Variants in PDE11A observed in about 807,000 individuals in gnomAD.
PDE11A encodes the protein phosphodiesterase 11A, also known as dual 3',5'-cyclic-AMP and -GMP phosphodiesterase 11A.
In PDE11A, 100 loss-of-function variants were observed where a neutral mutation model predicts 100.5. The ratio of observed to expected loss-of-function variants is 1.00; its 90% CI spans 0.85 to 1.18. The LOEUF (loss-of-function observed/expected upper bound fraction) is 1.18, where lower values mean the gene tolerates loss of function less well. Ranked by LOEUF, PDE11A falls within the 50% of genes most tolerant of loss-of-function variation. The probability of loss-of-function intolerance (pLI) is 0.00; values close to 1 mark genes in which losing one functional copy is unlikely to be tolerated. For synonymous variants in PDE11A, 381 were observed against 420.8 expected (o/e 0.91, Z 1.16); for missense variants, 1,141 against 1,152.6 (o/e 0.99, Z 0.15).
intron 9 of PDE11A, among the ~76,000 whole-genome samples, chr2:177,771,610 T>C (rs924882932): frequency 1.4e-4 from 22 of 152,240 alleles, no homozygotes; most frequent in Admixed American, 1.3e-3. Context: ...AGGAGTCTAC[T>C]TTTAATTATT....
In PDE11A at chr2:178,095,842, T is replaced by C. The variant is rs74267492; in HGVS notation, c.162+8460A>G. ...TTCCAGGCTTGGGGCTTGCACCCTC[T>C]GAAGCAACGACCTGAGCTGTACCTT... On this transcript the variant is annotated intron_variant, in intron 2 of 20. Coordinates refer to the PDE11A transcript ENST00000358450. Among the ~76,000 whole-genome samples the C allele has an allele frequency of 7.1e-4, 108 of 152,344 alleles. 1 individual carries two copies. In the East Asian group the frequency reaches 0.019, roughly 27 times the overall value.
At chr2:177,768,952 C>T (rs1431953411) in intron 10 of PDE11A, among the ~76,000 whole-genome samples, 1 of 152,164 alleles carries the variant, frequency 6.6e-6, no homozygotes, top group Non-Finnish European at 1.5e-5. Context: ...ATCCCAATCT[C>T]GTCACATATT....
chr2:177,874,208 C>T (rs2084193229), intron 5 of PDE11A, among the ~76,000 whole-genome samples: 1 of 152,106 alleles, frequency 6.6e-6, no homozygotes, highest in Non-Finnish European at 1.5e-5. Context: ...GGTTGCAGGG[C>T]CTCAAACAAG....
chr2:177,665,488 A>T (rs2080559202), intron 18 of PDE11A, among the ~76,000 whole-genome samples: 2 of 58,918 alleles, frequency 3.4e-5, no homozygotes. Context: ...TCAAAAAAAA[A>T]ATAATAATAA....
At chr2:178,081,283 C>T (rs531016016) in intron 2 of PDE11A, among the ~76,000 whole-genome samples, 56 of 152,184 alleles carry the variant, frequency 3.7e-4, no homozygotes, top group African/African-American at 1.3e-3. Context: ...TGGCACATAA[C>T]CTGCTTTTTA....
chr2:177,870,471 G>A (rs2084111775), intron 5 of PDE11A, among the ~76,000 whole-genome samples: 1 of 152,184 alleles, frequency 6.6e-6, no homozygotes, highest in Admixed American at 6.5e-5. Context: ...CAATAGCTGT[G>A]TCACCAACTG....
intron 2 of PDE11A, among the ~76,000 whole-genome samples, chr2:177,994,045 TTC>T (rs1216363344): frequency 6.6e-6 from 1 of 151,652 alleles, no homozygotes; most frequent in Non-Finnish European, 1.5e-5. Flanking sequence ...ATTCTGCTGC[TTC>T]AGCTGGCCAA....
intron 2 of PDE11A, among the ~76,000 whole-genome samples, chr2:177,962,184 T>G (rs1398102264): frequency 2.0e-5 from 3 of 152,058 alleles, no homozygotes; most frequent in African/African-American, 7.2e-5. Flanking sequence ...TTGCATCATG[T>G]AAGTTATTAT....
chr2:177,984,636 C>T (rs755788611), intron 2 of PDE11A, among the ~76,000 whole-genome samples: 2 of 152,174 alleles, frequency 1.3e-5, no homozygotes, highest in Non-Finnish European at 2.9e-5. Flanking sequence ...AAAAGCTACA[C>T]ATGTTAAGTT....
At chr2:177,770,959 T>G (rs1037770991) in intron 9 of PDE11A, among the ~76,000 whole-genome samples, 1 of 152,156 alleles carries the variant, frequency 6.6e-6, no homozygotes, top group African/African-American at 2.4e-5. Flanking sequence ...CCCAAGTAGC[T>G]GCGACCACAG....
At chr2:177,729,407 C>T (rs1391048337) in intron 10 of PDE11A, among the ~76,000 whole-genome samples, 1 of 152,136 alleles carries the variant, frequency 6.6e-6, no homozygotes, top group Non-Finnish European at 1.5e-5. Context: ...TATTCCTTCA[C>T]CATAATTGTG....
At chr2:178,092,394 T>C (rs1050633199) in intron 2 of PDE11A, 4 of 152,224 alleles carry the variant, frequency 2.6e-5, no homozygotes, top group Admixed American at 6.5e-5. Flanking sequence ...TCAACCTTTA[T>C]TTTAAAATGT....
intron 1 of PDE11A, 115 bp downstream of exon 1, chr2:178,071,411 A>T: frequency 1.5e-6 from 2 of 1,331,088 alleles, no homozygotes; most frequent in South Asian, 1.3e-5. Context: ...TTAAATAGCA[A>T]AATTTGTATT....
chr2:177,988,354 C>A (rs2085964762), intron 2 of PDE11A, among the ~76,000 whole-genome samples: 1 of 152,200 alleles, frequency 6.6e-6, no homozygotes, highest in Non-Finnish European at 1.5e-5. Flanking sequence ...TCATCACCCA[C>A]CTTGAAACTT....
intron 2 of PDE11A, among the ~76,000 whole-genome samples, chr2:177,999,027 G>C (rs1464203476): frequency 3.9e-5 from 6 of 152,202 alleles, no homozygotes; most frequent in Non-Finnish European, 5.9e-5. Context: ...CCCTGTTTCA[G>C]AGGTTAAAAG....
intron 4 of PDE11A, among the ~76,000 whole-genome samples, chr2:177,887,802 G>C (rs2084463161): frequency 6.6e-6 from 1 of 152,174 alleles, no homozygotes; most frequent in African/African-American, 2.4e-5. Context: ...TGAGAGAAAA[G>C]AGAGGGATGT....
intron 9 of PDE11A, among the ~76,000 whole-genome samples, chr2:177,778,002 A>G (rs1358030121): frequency 6.6e-6 from 1 of 152,278 alleles, no homozygotes; most frequent in Non-Finnish European, 1.5e-5. Context: ...TTGCAAAACC[A>G]TACCAACTTT....
chr2:178,086,853 A>C (rs578240386), intron 2 of PDE11A, among the ~76,000 whole-genome samples: 1 of 152,344 alleles, frequency 6.6e-6, no homozygotes, highest in South Asian at 2.1e-4. Context: ...GACTAACACT[A>C]ACTGTTTGAC....
At chr2:177,973,443 C>A (rs2085800012) in intron 2 of PDE11A, among the ~76,000 whole-genome samples, 1 of 11,014 alleles carries the variant, frequency 9.1e-5, no homozygotes, top group South Asian at 1.6e-3. Context: ...CCTACGCCCA[C>A]GGAATCTCGC....
Sources: allele counts gnomAD v4.1 joint callset (sites outside exome capture counted in the v4.1 genomes callset), GRCh38; gene constraint gnomAD v4.1.1; transcripts MANE v1.5; gene names NCBI Gene and HGNC (gene_info 2026-07-23, HGNC 2026-07-21).